Variants in PWWP3A observed in about 807,000 individuals in gnomAD.
PWWP3A encodes the protein PWWP domain containing 3A, DNA repair factor.
In PWWP3A, 53 loss-of-function variants were observed where a neutral mutation model predicts 79.0. The ratio of observed to expected loss-of-function variants is 0.67; its 90% CI spans 0.54 to 0.84. The LOEUF (loss-of-function observed/expected upper bound fraction) is 0.84. PWWP3A is among the 40% of genes least tolerant of loss of function. PWWP3A has a pLI of 0.00. For missense variants in PWWP3A, 973 were observed against 948.0 expected (o/e 1.03, Z -0.35); for synonymous variants, 443 against 394.4 (o/e 1.12, Z -1.46).
chr19:1,358,765 T>C (rs2081943590), intron 4 of PWWP3A: 1 of 1,075,878 alleles, frequency 9.3e-7, no homozygotes, highest in East Asian at 3.4e-5. Flanking sequence ...AGGACTTTGC[T>C]GCCATAAGGG....
In PWWP3A at chr19:1,371,007, G is replaced by A. The variant is rs957926459; in HGVS notation, c.1915G>A (p.Val639Met). ...VKYLQGVYQEVGAKVLQRTNG... is the reference protein window; with the variant it reads ...VKYLQGVYQEMGAKVLQRTNG... Reference sequence around the variant, plus strand: ...GTACCTGCAGGGCGTCTACCAGGAGGTGGGGGCCAAGGTGCTCCAGCGCAC... The same window carrying A: ...GTACCTGCAGGGCGTCTACCAGGAGATGGGGGCCAAGGTGCTCCAGCGCAC... The change falls in exon 12 of 14, where the codon GTG becomes ATG. Residue 639 changes from valine (V) to methionine (M), a missense_variant. By Grantham distance (21) the Val-to-Met change is conservative. Coordinates refer to ENST00000591337, the MANE Select transcript of PWWP3A (RefSeq NM_001369789.1). The A allele has an allele frequency of 8.3e-6, 13 of 1,572,334 alleles. No homozygotes were observed. The highest frequency in any genetic ancestry group is 3.7e-5 in the Admixed American group (2 of 53,624).
At position 1,367,181 on chromosome 19, in the gene PWWP3A, T is replaced by C. The variant is rs767687675; in HGVS notation, c.1383T>C (p.Ser461=). The part of the protein sequence containing the change: ...KMKGFTVSLK[S]LKHFDCKEKQ... ...CAAGTTTCACAGTGTCTCTTAAAAG[T>C]TTAAAGCACTTTGATTGTAAAGAGA... Residue 461 remains serine (S), a synonymous_variant, in exon 9 of 14, where the codon AGT becomes AGC. Coordinates refer to ENST00000591337, the MANE Select transcript of PWWP3A (RefSeq NM_001369789.1). The C allele has an allele frequency of 1.2e-5, 20 of 1,613,172 alleles. No homozygotes were observed. The highest frequency in any genetic ancestry group is 1.6e-5 in the Non-Finnish European group (19 of 1,179,644).
In PWWP3A at chr19:1,371,063, C is replaced by T. The variant is rs778208975; in HGVS notation, c.1971C>T (p.Asp657=). 1.7e-5 allele frequency: 26 copies of T among 1,564,940 alleles called. No individual in the cohort carries two copies. Among genetic ancestry groups the T allele is most frequent in the South Asian group, 3.5e-5 (3 of 85,110 alleles). Residue 657 remains aspartate, a synonymous_variant, in exon 12 of 14, where the codon GAC becomes GAT. Coordinates refer to ENST00000591337, the MANE Select transcript of PWWP3A (RefSeq NM_001369789.1). ...TNGDRIRFIL[D]VLLPEAIICA... is the part of the protein sequence containing the mutation. Reference sequence around the variant, plus strand: ...GCGACCGGATCCGGTTCATTCTGGACGTGCTTCTGCCCGAGGTGAGCCGCG... The same window carrying T: ...GCGACCGGATCCGGTTCATTCTGGATGTGCTTCTGCCCGAGGTGAGCCGCG...
chr19:1,369,283 T>C lies in PWWP3A; in HGVS notation c.1441T>C (p.Phe481Leu), dbSNP rs1331209748. 1.2e-6 allele frequency: 2 copies of C among 1,614,150 alleles called. No individual in the cohort carries two copies. Among genetic ancestry groups the C allele is most frequent in the Admixed American group, 3.3e-5 (2 of 60,030 alleles). ...QTLLNQARED[F>L]NQDIGWCVSL... ...ATTGTAGAATCAAGCCAGGGAGGAC[T>C]TCAACCAGGACATCGGCTGGTGTGT... The change falls in exon 10 of 14, where the codon TTC becomes CTC. Residue 481 changes from phenylalanine to leucine, a missense_variant. Phe to Leu is a conservative substitution (Grantham distance 22). Coordinates refer to ENST00000591337, the MANE Select transcript of PWWP3A (RefSeq NM_001369789.1). The surrounding 1 kb of genome is among the most constrained non-coding windows in gnomAD (Gnocchi z 4.0).
chr19:1,370,821 G>A lies in PWWP3A; in HGVS notation c.1729G>A (p.Glu577Lys). ...ARDRANQKLV[E>K]YIVKAKGAES... ...GGACCGGGCCAACCAGAAGCTGGTGGAGTACATTGTGAAGGCCAAGGGCGC... is the reference window on the plus strand; with the variant it reads ...GGACCGGGCCAACCAGAAGCTGGTGAAGTACATTGTGAAGGCCAAGGGCGC... The change falls in exon 12 of 14, where the codon GAG becomes AAG. Residue 577 changes from glutamate to lysine, a missense_variant. By Grantham distance (56) the Glu-to-Lys change is moderately conservative. Transcript: ENST00000591337. 2 of 1,571,916 alleles carry A rather than the reference G, an allele frequency of 1.3e-6. No individual in the cohort carries two copies. The highest frequency in any genetic ancestry group is 1.7e-6 in the Non-Finnish European group (2 of 1,158,572).
chr19:1,378,361 CTT>C lies in PWWP3A; in HGVS notation c.*1788_*1789del. On this transcript the variant is annotated 3_prime_UTR_variant, in exon 14 of 14. Transcript: ENST00000591337. The stretch of plus-strand genomic sequence containing the variant: ...GGAACTTTTCTGCTGTTGTGAAGTA[CTT>C]TTATCCATTTGCTTCTCTGCTGACC... 1 of 152,458 alleles carries C rather than the reference CTT, an allele frequency of 6.6e-6. No individual in the cohort carries two copies. The highest frequency in any genetic ancestry group is 2.1e-4 in the South Asian group (1 of 4,834). 9.4% of individuals were successfully genotyped at this position (152,458 alleles called of 1,614,324 possible). A position where few individuals can be genotyped will look rare whatever the true frequency, so the allele number is the denominator to read the frequency against.
rs753840170 is a variant in PWWP3A, at chr19:1,370,801, G to T, written c.1709G>T (p.Arg570Leu). ...GACCGCTCGCGGGCCGCCCGGGACC[G>T]GGCCAACCAGAAGCTGGTGGAGTAC... ...LPDRSRAARD[R>L]ANQKLVEYIV... The change falls in exon 12 of 14, where the codon CGG (arginine) becomes CTG (leucine). Residue 570 changes from arginine to leucine, a missense_variant. Transcript: ENST00000591337. 2 of 1,561,958 alleles carry T rather than the reference G, an allele frequency of 1.3e-6. No homozygotes were observed. Among genetic ancestry groups the T allele is most frequent in the Non-Finnish European group, 1.7e-6 (2 of 1,152,242 alleles).
At chr19:1,374,616 C>T (rs1013827457) in intron 13 of PWWP3A, among the ~76,000 whole-genome samples, 2 of 152,152 alleles carry the variant, frequency 1.3e-5, no homozygotes, top group African/African-American at 4.8e-5. Flanking sequence ...GAGCCAGCAG[C>T]CGTTGTTGAT....
chr19:1,359,886 A>G (rs2081970486), intron 4 of PWWP3A: 1 of 352,506 alleles, frequency 2.8e-6, no homozygotes, highest in Admixed American at 4.6e-5. Context: ...CTTTTTAGCC[A>G]ATCAGGTTAA....
chr19:1,376,634 A>G lies in PWWP3A; in HGVS notation c.*58A>G. ...GGCGGTGGAAGCGCCTCCAGTGTGC[A>G]TGAGCGTGTCTGAAGATGGGGGGCT... On this transcript the variant is annotated 3_prime_UTR_variant, in exon 14 of 14. Coordinates refer to ENST00000591337, the MANE Select transcript of PWWP3A (RefSeq NM_001369789.1). 1.9e-6 allele frequency: 3 copies of G among 1,574,900 alleles called. No individual in the cohort carries two copies. Among genetic ancestry groups the G allele is most frequent in the Admixed American group, 1.7e-5 (1 of 58,492 alleles).
intron 8 of PWWP3A, 101 bp downstream of exon 8, chr19:1,366,482 C>A: frequency 9.0e-7 from 1 of 1,108,632 alleles, no homozygotes; most frequent in Non-Finnish European, 1.4e-6. Flanking sequence ...GAGGGGAGGC[C>A]CCGGCAGGAG....
At position 1,377,720 on chromosome 19, in the gene PWWP3A, T is replaced by A. The variant is rs962015155; in HGVS notation, c.*1144T>A. ...TGCCTACACAGCAGTGCTGGTGACA[T>A]GTCCAGGGTTCCAGGGCCCGGTGGC... On this transcript the variant is annotated 3_prime_UTR_variant, in exon 14 of 14. Transcript: ENST00000591337. The A allele has an allele frequency of 6.6e-6, 1 of 152,324 alleles. No individual in the cohort carries two copies. The highest frequency in any genetic ancestry group is 1.5e-5 in the Non-Finnish European group (1 of 68,128). The allele number at this position is 152,324 out of a possible 1,614,324, so 9.4% of individuals were successfully genotyped here. A position where few individuals can be genotyped will look rare whatever the true frequency, so the allele number is the denominator to read the frequency against.
Position 1,369,215 on chromosome 19 carries a change from G to A in PWWP3A, c.1423-50G>A. On this transcript the variant is annotated intron_variant, in intron 9 of 13. Coordinates refer to ENST00000591337, the MANE Select transcript of PWWP3A (RefSeq NM_001369789.1). The surrounding 1 kb of genome is among the most constrained non-coding windows in gnomAD (Gnocchi z 4.0). ...GCTCTGCGTGGCTTCTGAACCCAGG[G>A]TGCTTGGCACTGCCTCCCACTGACG... is the stretch of plus-strand genomic sequence containing the variant. The A allele has an allele frequency of 1.3e-6, 2 of 1,585,600 alleles. No individual in the cohort carries two copies. Among genetic ancestry groups the A allele is most frequent in the Non-Finnish European group, 1.7e-6 (2 of 1,155,708 alleles).
rs62127614 is a variant in PWWP3A, at chr19:1,365,045, G to C, written c.1284+466G>C. On this transcript the variant is annotated intron_variant, in intron 7 of 13. Transcript: ENST00000591337. Reference sequence around the variant, plus strand: ...TGAGGCAGGAGAATGGCGTGAACCCGAGAGGTAGAGGTTGCAGTGAGCCAA... The same window carrying C: ...TGAGGCAGGAGAATGGCGTGAACCCCAGAGGTAGAGGTTGCAGTGAGCCAA... Among the ~76,000 whole-genome samples, 39 of 152,262 alleles carry C rather than the reference G, an allele frequency of 2.6e-4. 1 individual carries two copies. Among genetic ancestry groups the C allele is most frequent in the Non-Finnish European group, 1.3e-4 (9 of 68,008 alleles).
intron 6 of PWWP3A, chr19:1,364,227 C>A: frequency 1.7e-6 from 1 of 601,544 alleles, no homozygotes; most frequent in Non-Finnish European, 3.2e-6. Context: ...CCTCGTGGCA[C>A]CCCTCCCATC....
At chr19:1,372,819 T>G in intron 12 of PWWP3A, 1 of 427,972 alleles carries the variant, frequency 2.3e-6, no homozygotes, top group South Asian at 5.2e-5. Context: ...TGGGTTTGGG[T>G]CTTGCCTTTT....
chr19:1,370,726 T>A lies in PWWP3A; in HGVS notation c.1634T>A (p.Val545Glu). 1 of 1,473,360 alleles carries A rather than the reference T, an allele frequency of 6.8e-7. No individual in the cohort carries two copies. Among genetic ancestry groups the A allele is most frequent in the Non-Finnish European group, 9.0e-7 (1 of 1,109,710 alleles). The allele number at this position is 1,473,360 out of a possible 1,614,324, so 91.3% of individuals were successfully genotyped here. A position where few individuals can be genotyped will look rare whatever the true frequency, so the allele number is the denominator to read the frequency against. ...AGCAAGGGGAGCCCCGAGGAGCCCG[T>A]GGTGGGGTGCCCCCTGGGGCAGAGG... is the stretch of plus-strand genomic sequence containing the variant. Reference protein sequence around the residue: ...QLSKGSPEEPVVGCPLGQRQP... With the variant: ...QLSKGSPEEPEVGCPLGQRQP... Residue 545 changes from valine to glutamate, a missense_variant, in exon 12 of 14, where the codon GTG (valine) becomes GAG (glutamate). Transcript: ENST00000591337.
At chr19:1,366,257 C>A (rs1307197249) in intron 7 of PWWP3A, 48 bp from the exon 8 acceptor site, 1 of 1,580,830 alleles carries the variant, frequency 6.3e-7, no homozygotes, top group Non-Finnish European at 8.7e-7. Context: ...ATTTAAAATC[C>A]ACGATCTCTT....
At chr19:1,358,737 C>T (rs772568212) in intron 4 of PWWP3A, 2 of 1,365,070 alleles carry the variant, frequency 1.5e-6, no homozygotes, top group African/African-American at 1.4e-5. Context: ...CCGTGGCCTC[C>T]AGTACACAAG....
Sources: allele counts gnomAD v4.1 joint callset (sites outside exome capture counted in the v4.1 genomes callset), GRCh38; gene constraint gnomAD v4.1.1; non-coding constraint Gnocchi (gnomAD v3.1); transcripts MANE v1.5; gene names NCBI Gene and HGNC (gene_info 2026-07-23, HGNC 2026-07-21).